The following FAM185A variants were observed in gnomAD, a reference collection of about 807,000 sequenced individuals.
The protein encoded by FAM185A is protein FAM185A.
In FAM185A, 21 loss-of-function variants were observed where a neutral mutation model predicts 45.7. The observed-to-expected ratio is 0.46, with a 90% CI of 0.33 to 0.66. The LOEUF is 0.66. Ranked by LOEUF, FAM185A falls within the 30% of genes least tolerant of loss-of-function variation. FAM185A has a pLI of 0.03. For missense variants in FAM185A, 305 were observed against 485.4 expected, an observed-to-expected ratio of 0.63 and a Z score of 3.49; for synonymous variants, 117 against 194.0, an observed-to-expected ratio of 0.60 and a Z score of 3.30.
At chr7:102,808,239 A>G in intron 7 of FAM185A, 51 bp from the exon 8 acceptor site, 3 of 1,149,884 alleles carry the variant, frequency 2.6e-6, no homozygotes, top group Non-Finnish European at 3.8e-6. Context: ...GCTAGGATCT[A>G]TGTGGTCAAT....
At chr7:102,753,783 G>A (rs1793518073) in intron 2 of FAM185A, among the ~76,000 whole-genome samples, 1 of 151,886 alleles carries the variant, frequency 6.6e-6, no homozygotes, top group African/African-American at 2.4e-5. Flanking sequence ...ATCCCATAAT[G>A]TATTTCAGGT....
intron 4 of FAM185A, among the ~76,000 whole-genome samples, chr7:102,763,655 C>G (rs1274099258): frequency 2.0e-5 from 3 of 152,128 alleles, no homozygotes; most frequent in Non-Finnish European, 2.9e-5. Flanking sequence ...GATCTTGGGC[C>G]GAAGTGACTC....
At chr7:102,765,491 T>C (rs530760668) in intron 4 of FAM185A, among the ~76,000 whole-genome samples, 5 of 151,880 alleles carry the variant, frequency 3.3e-5, no homozygotes, top group Admixed American at 6.5e-5. Context: ...TATTTTTATA[T>C]ACCCTGATGG....
intron 7 of FAM185A, among the ~76,000 whole-genome samples, chr7:102,788,869 A>G (rs1017397900): frequency 1.8e-4 from 27 of 152,204 alleles, no homozygotes; most frequent in Non-Finnish European, 3.5e-4. Context: ...TGGTATTTGT[A>G]TATCTATATA....
intron 4 of FAM185A, among the ~76,000 whole-genome samples, chr7:102,767,094 C>G (rs1156993110): frequency 2.0e-5 from 3 of 151,758 alleles, no homozygotes; most frequent in Non-Finnish European, 4.4e-5. Flanking sequence ...CCGCACCTGG[C>G]CACAACTTTT....
chr7:102,750,521 C>G (rs1793300085), intron 1 of FAM185A, among the ~76,000 whole-genome samples: 1 of 152,146 alleles, frequency 6.6e-6, no homozygotes, highest in South Asian at 2.1e-4. Context: ...TTTGACAGAT[C>G]ACAGTAATAT....
the FAM185A span, among the ~76,000 whole-genome samples, chr7:102,825,062 C>T: frequency 5.3e-5 from 8 of 151,976 alleles, no homozygotes; most frequent in East Asian, 1.9e-4. Flanking sequence ...TGGTCATTTC[C>T]GTTGTTTTCA....
chr7:102,846,553 T>G, the FAM185A span, among the ~76,000 whole-genome samples: 1 of 146,152 alleles, frequency 6.8e-6, no homozygotes, highest in Admixed American at 6.8e-5. Context: ...CGGAAGGAGG[T>G]TGCAGTGAGC....
At chr7:102,831,431 ACC>A in the FAM185A span, among the ~76,000 whole-genome samples, 3 of 147,126 alleles carry the variant, frequency 2.0e-5, no homozygotes, top group South Asian at 2.2e-4. Flanking sequence ...ACACACACAC[ACC>A]CCACTACAGA....
At chr7:102,770,918 C>A (rs1388402514) in intron 4 of FAM185A, among the ~76,000 whole-genome samples, 2 of 152,242 alleles carry the variant, frequency 1.3e-5, no homozygotes, top group African/African-American at 4.8e-5. Flanking sequence ...AACATATTCA[C>A]TGCAGCTCTA....
chr7:102,834,129 AG>A, the FAM185A span, among the ~76,000 whole-genome samples: 1 of 104,392 alleles, frequency 9.6e-6, no homozygotes, highest in African/African-American at 4.6e-5. Context: ...AAAGAAAGAA[AG>A]AAAGAAAGAA....
the FAM185A span, among the ~76,000 whole-genome samples, chr7:102,840,301 T>A: frequency 6.6e-6 from 1 of 152,222 alleles, no homozygotes; most frequent in African/African-American, 2.4e-5. Context: ...TGAACCAGGA[T>A]TGAATTACCC....
intron 6 of FAM185A, among the ~76,000 whole-genome samples, chr7:102,783,867 A>T (rs1186589314): frequency 6.6e-6 from 1 of 152,166 alleles, no homozygotes; most frequent in African/African-American, 2.4e-5. Context: ...GACACAAAAA[A>T]CCCTTCAAAA....
At chr7:102,810,490 C>T (rs1013294987), downstream of FAM185A, among the ~76,000 whole-genome samples, 3 of 152,152 alleles carry the variant, frequency 2.0e-5, no homozygotes, top group Non-Finnish European at 1.5e-5. Flanking sequence ...CCTCAGCCTC[C>T]CAAAGTGCTG....
downstream of FAM185A, among the ~76,000 whole-genome samples, chr7:102,809,451 T>C (rs1797309710): frequency 6.6e-6 from 1 of 152,160 alleles, no homozygotes; most frequent in South Asian, 2.1e-4. Context: ...TCCCAGCAGT[T>C]TGGAGGCCAA....
intron 7 of FAM185A, among the ~76,000 whole-genome samples, chr7:102,797,879 T>TGG (rs1478119274): frequency 6.6e-6 from 1 of 151,938 alleles, no homozygotes; most frequent in Non-Finnish European, 1.5e-5. Context: ...GAAGTGGGAG[T>TGG]GGGGAGGGAG....
intron 2 of FAM185A, among the ~76,000 whole-genome samples, chr7:102,754,055 C>A (rs1451963185): frequency 6.6e-6 from 1 of 152,148 alleles, no homozygotes. Flanking sequence ...CTTCAATTCA[C>A]AAATGAGAAC....
In FAM185A at chr7:102,809,151, C is replaced by CA. The variant is rs1358396321; in HGVS notation, c.*750dup. On this transcript the variant is annotated 3_prime_UTR_variant, in exon 8 of 8. Transcript: ENST00000413034. ...TCTTTATAATGTAGCTCTCACATGA[C>CA]AGGTTTTCTACTTAGTACCTTTTAT... 4.6e-5 allele frequency: 7 copies of CA among 152,162 alleles called. No individual in the cohort carries two copies. The highest frequency in any genetic ancestry group is 1.7e-4 in the African/African-American group (7 of 41,446). 9.4% of individuals were successfully genotyped at this position (152,162 alleles called of 1,614,324 possible).
chr7:102,813,333 G>A, downstream of FAM185A: 1 of 1,594,490 alleles, frequency 6.3e-7, no homozygotes, highest in Non-Finnish European at 8.5e-7. Flanking sequence ...TCCTGCTTGA[G>A]GCTGAAGGTC....
Sources: allele counts gnomAD v4.1 joint callset (sites outside exome capture counted in the v4.1 genomes callset), GRCh38; gene constraint gnomAD v4.1.1; transcripts MANE v1.5; gene names NCBI Gene and HGNC (gene_info 2026-07-23, HGNC 2026-07-21).